SLC38A6: variants seen among roughly 807,000 people sequenced by gnomAD.
The protein encoded by SLC38A6 is solute carrier family 38 member 6, also known as N system amino acid transporter NAT-1.
In SLC38A6, 73 loss-of-function variants were observed where a neutral mutation model predicts 65.0. The ratio of observed to expected loss-of-function variants is 1.12; its 90% confidence interval spans 0.93 to 1.37. The LOEUF (loss-of-function observed/expected upper bound fraction) is 1.37. Among genes scored for constraint, SLC38A6 ranks in the 40% most tolerant of loss-of-function variants. The pLI is 0.00. For missense variants in SLC38A6, 561 were observed against 531.1 expected, an observed-to-expected ratio of 1.06 and a Z score of -0.55; for synonymous variants, 183 against 178.8, an observed-to-expected ratio of 1.02 and a Z score of -0.19.
chr14:61,037,629 T>TC lies in SLC38A6; in HGVS notation c.571dup (p.Leu191ProfsTer6). On this transcript the variant is annotated frameshift_variant, in exon 8 of 16. Transcript: ENST00000267488. LOFTEE classifies it high-confidence loss of function. ...TATTTTACTGTTATTTTACAGGCTT[T>TC]CTTGGCTACACAAGTAGTTTATCAT... The TC allele has an allele frequency of 1.3e-6, 2 of 1,591,438 alleles. No homozygotes were observed. Among genetic ancestry groups the TC allele is most frequent in the Non-Finnish European group, 1.7e-6 (2 of 1,166,258 alleles).
intron 5 of SLC38A6, among the ~76,000 whole-genome samples, chr14:61,026,111 T>C (rs569139817): frequency 6.6e-6 from 1 of 152,296 alleles, no homozygotes; most frequent in East Asian, 1.9e-4. Flanking sequence ...TAAACTGTAA[T>C]GATGTCTTAG....
chr14:61,076,637 A>C (rs1025966972), intron 15 of SLC38A6, among the ~76,000 whole-genome samples: 1 of 152,254 alleles, frequency 6.6e-6, no homozygotes, highest in African/African-American at 2.4e-5. Context: ...TTCTGCTCAT[A>C]GCAGATACAT....
At chr14:61,010,486 G>A (rs926666738) in intron 3 of SLC38A6, among the ~76,000 whole-genome samples, 2 of 152,146 alleles carry the variant, frequency 1.3e-5, no homozygotes, top group African/African-American at 4.8e-5. Context: ...GTATTGCCTA[G>A]GTTTTCTTCT....
Position 61,037,612 on chromosome 14 carries a change from T to C in SLC38A6, c.566-13T>C. On this transcript the variant is annotated splice_polypyrimidine_tract_variant and intron_variant, in intron 7 of 15. Transcript: ENST00000267488. ...CCTTATAAATTGCTTTTTATTTTACTGTTATTTTACAGGCTTTCTTGGCTA... is the reference window on the plus strand; with the variant it reads ...CCTTATAAATTGCTTTTTATTTTACCGTTATTTTACAGGCTTTCTTGGCTA... 1 of 1,565,852 alleles carries C rather than the reference T, an allele frequency of 6.4e-7. No individual in the cohort carries two copies.
At chr14:61,079,432 C>T (rs1296223551) in intron 16 of SLC38A6, among the ~76,000 whole-genome samples, 1 of 151,536 alleles carries the variant, frequency 6.6e-6, no homozygotes, top group African/African-American at 2.4e-5. Context: ...CCACTGTGCC[C>T]GGCCTCCTGC....
At chr14:61,075,666 C>T (rs2043375617) in intron 15 of SLC38A6, among the ~76,000 whole-genome samples, 1 of 152,022 alleles carries the variant, frequency 6.6e-6, no homozygotes, top group African/African-American at 2.4e-5. Flanking sequence ...GAGATTGGAG[C>T]AGTTCTAGAA....
In SLC38A6 at chr14:61,049,739, A is replaced by T. The variant is rs899194618; in HGVS notation, c.926-773A>T. Among the ~76,000 whole-genome samples, 2 of 152,142 alleles carry T rather than the reference A, an allele frequency of 1.3e-5. 1 individual carries two copies. Among genetic ancestry groups the T allele is most frequent in the Admixed American group, 1.3e-4 (2 of 15,242 alleles). On this transcript the variant is annotated intron_variant, in intron 12 of 15. Coordinates refer to ENST00000267488, the MANE Select transcript of SLC38A6 (RefSeq NM_153811.3). Reference sequence around the variant, plus strand: ...CTTTCTGAAACACTCTCAAATTAAAAGGCACCATTCTATTTTAAGTACAAA... The same window carrying T: ...CTTTCTGAAACACTCTCAAATTAAATGGCACCATTCTATTTTAAGTACAAA...
chr14:60,982,258 T>A, intron 1 of SLC38A6: 1 of 536,486 alleles, frequency 1.9e-6, no homozygotes, highest in Non-Finnish European at 3.6e-6. Context: ...GTCATGGCCC[T>A]TCCTGAACTC....
intron 12 of SLC38A6, among the ~76,000 whole-genome samples, chr14:61,047,165 A>C (rs2042202998): frequency 6.6e-6 from 1 of 152,090 alleles, no homozygotes; most frequent in East Asian, 1.9e-4. Flanking sequence ...GAAAAAGTCC[A>C]AAAAAACTGA....
chr14:61,075,401 A>T (rs1028812439), intron 15 of SLC38A6, among the ~76,000 whole-genome samples: 2 of 152,196 alleles, frequency 1.3e-5, no homozygotes. Flanking sequence ...CCAAGAAAAA[A>T]TGTAAGCCAC....
At chr14:60,999,310 A>G (rs927634017) in intron 3 of SLC38A6, among the ~76,000 whole-genome samples, 2 of 152,222 alleles carry the variant, frequency 1.3e-5, no homozygotes, top group Admixed American at 6.5e-5. Flanking sequence ...TCCTTTTCCT[A>G]AAGAAGGTTA....
intron 8 of SLC38A6, 146 bp from the exon 9 acceptor site, chr14:61,043,001 C>A: frequency 1.8e-6 from 1 of 543,228 alleles, no homozygotes; most frequent in Non-Finnish European, 3.2e-6. Context: ...TAAATGTTGA[C>A]CCCATTCTAA....
At chr14:60,984,642 A>T in intron 2 of SLC38A6, 88 bp from the exon 3 acceptor site, 1 of 976,884 alleles carries the variant, frequency 1.0e-6, no homozygotes, top group Non-Finnish European at 1.7e-6. Context: ...TGAATATTTG[A>T]CTGTTAAGCA....
chr14:61,049,595 C>T (rs971462638), intron 12 of SLC38A6, among the ~76,000 whole-genome samples: 3 of 152,094 alleles, frequency 2.0e-5, no homozygotes, highest in Admixed American at 6.6e-5. Context: ...ACTCTCTGGC[C>T]ACTTACATGT....
chr14:61,013,544 A>C (rs533003068), intron 3 of SLC38A6, among the ~76,000 whole-genome samples: 5 of 152,306 alleles, frequency 3.3e-5, no homozygotes, highest in Non-Finnish European at 7.3e-5. Flanking sequence ...TTCCATGTTT[A>C]GTGCTTCCTT....
chr14:61,076,100 C>A (rs2043407113), intron 15 of SLC38A6, among the ~76,000 whole-genome samples: 1 of 152,014 alleles, frequency 6.6e-6, no homozygotes, highest in Non-Finnish European at 1.5e-5. Context: ...GGTGATCTGC[C>A]CGTCTTGGCC....
chr14:61,036,362 A>G (rs549306390), intron 6 of SLC38A6, among the ~76,000 whole-genome samples: 1 of 147,412 alleles, frequency 6.8e-6, no homozygotes, highest in Admixed American at 6.9e-5. Context: ...CAAACACCGC[A>G]TGTTCTCACT....
chr14:61,031,868 C>T (rs1350961194), intron 6 of SLC38A6, among the ~76,000 whole-genome samples: 1 of 151,794 alleles, frequency 6.6e-6, no homozygotes, highest in Non-Finnish European at 1.5e-5. Flanking sequence ...GTGTTCTATC[C>T]ATTTAATATT....
At chr14:61,044,557 A>G (rs2042016864) in intron 10 of SLC38A6, among the ~76,000 whole-genome samples, 1 of 152,194 alleles carries the variant, frequency 6.6e-6, no homozygotes, top group Non-Finnish European at 1.5e-5. Context: ...GTCCCAAGAT[A>G]GGTCTTCATT....
Sources: gnomAD v4.1 joint callset for allele counts (sites outside exome capture counted in the v4.1 genomes callset) on GRCh38, gnomAD v4.1.1 for gene constraint, MANE v1.5 for transcripts, NCBI Gene and HGNC (gene_info 2026-07-23, HGNC 2026-07-21) for gene names.